The following LRP1B variants were observed in gnomAD, a reference collection of about 807,000 sequenced individuals.
The protein encoded by LRP1B is LDL receptor related protein 1B.
LRP1B carries 217 observed loss-of-function variants against 556.6 expected under a neutral mutation model. The ratio of observed to expected loss-of-function variants is 0.39; its 90% confidence interval spans 0.35 to 0.44. The LOEUF is 0.44. Among genes scored for constraint, LRP1B ranks in the 20% least tolerant of loss-of-function variants. LRP1B has a pLI of 1.00. For synonymous variants in LRP1B, 2,047 were observed against 1,865.8 expected, an observed-to-expected ratio of 1.10 and a Z score of -2.50; for missense variants, 5,053 against 5,620.8, an observed-to-expected ratio of 0.90 and a Z score of 3.23.
intron 20 of LRP1B, among the ~76,000 whole-genome samples, chr2:140,949,593 T>TA (rs1553564404): frequency 6.6e-6 from 1 of 151,976 alleles, no homozygotes; most frequent in African/African-American, 2.4e-5. Flanking sequence ...TCTTTTTTTT[T>TA]TATATATTTT....
chr2:140,432,322 C>T (rs1300914411), intron 66 of LRP1B, among the ~76,000 whole-genome samples: 2 of 152,180 alleles, frequency 1.3e-5, no homozygotes, highest in Non-Finnish European at 2.9e-5. Flanking sequence ...TCGGACTCAG[C>T]CCGCCTGCAC....
intron 3 of LRP1B, among the ~76,000 whole-genome samples, chr2:141,301,175 C>T (rs772992182): frequency 2.6e-4 from 40 of 152,054 alleles, no homozygotes; most frequent in Non-Finnish European, 8.8e-5. Flanking sequence ...TCCACATTCT[C>T]TAGGGTAATT....
intron 2 of LRP1B, among the ~76,000 whole-genome samples, chr2:141,661,044 G>A (rs1690200446): frequency 6.6e-6 from 1 of 152,138 alleles, no homozygotes; most frequent in African/African-American, 2.4e-5. Context: ...AATAGGATCT[G>A]GAGTCGGGGA....
intron 2 of LRP1B, among the ~76,000 whole-genome samples, chr2:141,692,073 C>T (rs1188721984): frequency 2.0e-5 from 3 of 151,974 alleles, no homozygotes; most frequent in Non-Finnish European, 4.4e-5. Flanking sequence ...TCTATAACTC[C>T]TCTGGCAGAT....
chr2:141,211,344 G>T (rs958480002), intron 6 of LRP1B, among the ~76,000 whole-genome samples: 1 of 151,530 alleles, frequency 6.6e-6, no homozygotes, highest in Non-Finnish European at 1.5e-5. Flanking sequence ...ATTCAGGGCC[G>T]GGCACGGTGC....
At chr2:141,227,280 C>T (rs1016046132) in intron 6 of LRP1B, among the ~76,000 whole-genome samples, 4 of 152,080 alleles carry the variant, frequency 2.6e-5, no homozygotes, top group Admixed American at 6.6e-5. Context: ...AATTCTACTG[C>T]GCAACTTAGT....
intron 3 of LRP1B, among the ~76,000 whole-genome samples, chr2:141,373,193 T>G (rs1274031418): frequency 6.6e-6 from 1 of 152,056 alleles, no homozygotes; most frequent in Admixed American, 6.5e-5. Flanking sequence ...TAATCCACTG[T>G]GGTCTGGAAG....
At chr2:141,442,385 T>C (rs1288892322) in intron 3 of LRP1B, among the ~76,000 whole-genome samples, 2 of 151,872 alleles carry the variant, frequency 1.3e-5, no homozygotes, top group African/African-American at 4.8e-5. Context: ...AATATACTAC[T>C]GTTTTCTGAA....
intron 3 of LRP1B, among the ~76,000 whole-genome samples, chr2:141,476,654 T>G (rs1682716592): frequency 6.6e-6 from 1 of 152,196 alleles, no homozygotes; most frequent in Non-Finnish European, 1.5e-5. Context: ...AGATATCTTT[T>G]CATTATCTTT....
chr2:140,573,178 T>C (rs985069063), intron 43 of LRP1B, among the ~76,000 whole-genome samples: 1 of 151,790 alleles, frequency 6.6e-6, no homozygotes, highest in Non-Finnish European at 1.5e-5. Flanking sequence ...AAAATGCAAA[T>C]GGTGATGGTT....
intron 2 of LRP1B, among the ~76,000 whole-genome samples, chr2:141,505,607 T>C (rs1282459996): frequency 6.6e-6 from 1 of 152,126 alleles, no homozygotes; most frequent in Admixed American, 6.6e-5. Context: ...CCTGTTACTA[T>C]AATTTTGTCC....
chr2:141,898,245 C>T (rs1482607667), intron 1 of LRP1B, among the ~76,000 whole-genome samples: 1 of 152,132 alleles, frequency 6.6e-6, no homozygotes, highest in Non-Finnish European at 1.5e-5. Flanking sequence ...GTGCCTCCCT[C>T]AAAGGCTGCC....
intron 3 of LRP1B, among the ~76,000 whole-genome samples, chr2:141,331,189 T>C (rs142301448): frequency 6.6e-6 from 1 of 152,330 alleles, no homozygotes; most frequent in East Asian, 1.9e-4. Context: ...CCCTGATCCT[T>C]ACCTACTGTC....
chr2:141,367,074 G>T (rs1264743221), intron 3 of LRP1B, among the ~76,000 whole-genome samples: 1 of 152,150 alleles, frequency 6.6e-6, no homozygotes, highest in African/African-American at 2.4e-5. Context: ...AATATAGTGG[G>T]CAACAGAGCT....
At chr2:140,579,295 C>T (rs1681664025) in intron 43 of LRP1B, among the ~76,000 whole-genome samples, 1 of 152,050 alleles carries the variant, frequency 6.6e-6, no homozygotes, top group Admixed American at 6.5e-5. Context: ...ATTATCATGT[C>T]ATAAAAATTA....
rs57621380 is a variant in LRP1B at position 140,828,789 on chromosome 2, CAAAAAAAAAAA to C, written c.5209+11191_5209+11201del. The stretch of plus-strand genomic sequence containing the variant: ...TGGGCGACAGAGCGAGACTCCGTCT[CAAAAAAAAAAA>C]AAAAAAAAAAAAAAGACACAAAGCA... On this transcript the variant is annotated intron_variant, in intron 31 of 90. Coordinates refer to ENST00000389484, the MANE Select transcript of LRP1B (RefSeq NM_018557.3). 7.3e-3 allele frequency among the ~76,000 whole-genome samples: 58 copies of C among 7,974 alleles called. 1 individual carries two copies. Among genetic ancestry groups the C allele is most frequent in the African/African-American group, 0.016 (53 of 3,376 alleles). 5.2% of individuals were successfully genotyped at this position (7,974 alleles called of 152,430 possible).
intron 2 of LRP1B, among the ~76,000 whole-genome samples, chr2:141,678,813 T>C (rs965978584): frequency 2.0e-5 from 3 of 152,110 alleles, no homozygotes; most frequent in Non-Finnish European, 2.9e-5. Context: ...AGTGATACAA[T>C]GAAATACATT....
chr2:141,104,672 C>T (rs1700561308), intron 7 of LRP1B, among the ~76,000 whole-genome samples: 1 of 152,006 alleles, frequency 6.6e-6, no homozygotes, highest in South Asian at 2.1e-4. Flanking sequence ...CAGATTCATA[C>T]TTTATCTTTA....
At chr2:140,274,743 A>G in intron 84 of LRP1B, 145 bp from the exon 85 acceptor site, 3 of 642,722 alleles carry the variant, frequency 4.7e-6, no homozygotes, top group African/African-American at 1.8e-5. Context: ...CACATGAAGT[A>G]GAATTCTTTA....
Sources: gnomAD v4.1 joint callset for allele counts (sites outside exome capture counted in the v4.1 genomes callset) on GRCh38, gnomAD v4.1.1 for gene constraint, MANE v1.5 for transcripts, NCBI Gene and HGNC (gene_info 2026-07-23, HGNC 2026-07-21) for gene names.